The following PRKCE variants were observed in gnomAD, a reference collection of about 807,000 sequenced individuals.
PRKCE encodes protein kinase C epsilon type.
A neutral mutation model predicts 85.4 loss-of-function variants in PRKCE; 16 were observed. The ratio of observed to expected loss-of-function variants is 0.19; its 90% CI spans 0.13 to 0.28. PRKCE has a LOEUF of 0.28. PRKCE is among the 10% of genes least tolerant of loss of function. The pLI is 1.00. For missense variants in PRKCE, 573 were observed against 975.2 expected (o/e 0.59, Z 5.49); for synonymous variants, 388 against 371.5 (o/e 1.04, Z -0.51).
chr2:45,960,126 C>A (rs1701277990), intron 2 of PRKCE, among the ~76,000 whole-genome samples: 1 of 152,086 alleles, frequency 6.6e-6, no homozygotes, highest in African/African-American at 2.4e-5. Context: ...TGCTTGTTTT[C>A]TGGGATAAAG....
At chr2:45,750,506 G>C (rs370088107) in intron 1 of PRKCE, among the ~76,000 whole-genome samples, 3 of 152,186 alleles carry the variant, frequency 2.0e-5, no homozygotes, top group East Asian at 1.9e-4. Context: ...GTCCCAAGGT[G>C]GGTATTGGTT....
chr2:45,950,900 G>A (rs764711091), intron 2 of PRKCE, among the ~76,000 whole-genome samples: 2 of 152,100 alleles, frequency 1.3e-5, no homozygotes, highest in Non-Finnish European at 2.9e-5. Flanking sequence ...ATTAAGTCCT[G>A]GAACTATCAG....
At chr2:45,752,070 G>T (rs546600617) in intron 1 of PRKCE, among the ~76,000 whole-genome samples, 1 of 151,552 alleles carries the variant, frequency 6.6e-6, no homozygotes, top group South Asian at 2.1e-4. Flanking sequence ...GCCCGCCTCG[G>T]CCTTCCAAAG....
chr2:46,137,878 G>T (rs958731426), intron 11 of PRKCE, among the ~76,000 whole-genome samples: 1 of 152,054 alleles, frequency 6.6e-6, no homozygotes, highest in African/African-American at 2.4e-5. Context: ...TTGCATACCA[G>T]TTCTCCCTCA....
chr2:46,161,271 AG>A (rs1489270432), intron 14 of PRKCE, among the ~76,000 whole-genome samples: 1 of 152,286 alleles, frequency 6.6e-6, no homozygotes. Flanking sequence ...TAGGGGAAGT[AG>A]GACCCCAGAG....
rs868577218 is a variant in PRKCE, at chr2:46,115,375, A to C, written c.1592+29013A>C. On this transcript the variant is annotated intron_variant, in intron 11 of 14. Transcript: ENST00000306156. ...AAAAACCTAACATTTTTTTGTACAA[A>C]GAGAAGCACATCTCATAAAACCCAA... Among the ~76,000 whole-genome samples the C allele has an allele frequency of 1.1e-4, 16 of 152,304 alleles. No individual in the cohort carries two copies. In the Middle Eastern group the frequency reaches 0.01, roughly 97 times the overall value.
intron 11 of PRKCE, among the ~76,000 whole-genome samples, chr2:46,120,783 A>G (rs540776150): frequency 1.3e-5 from 2 of 152,290 alleles, no homozygotes; most frequent in Non-Finnish European, 1.5e-5. Flanking sequence ...GATGCCACCC[A>G]TGTTTCAAAA....
Position 46,009,558 on chromosome 2 carries a change from C to T in PRKCE, c.1264-786C>T, listed in dbSNP as rs539800328. Among the ~76,000 whole-genome samples, 104 of 152,100 alleles carry T rather than the reference C, an allele frequency of 6.8e-4. 1 individual carries two copies. The highest frequency in any genetic ancestry group is 2.5e-3 in the African/African-American group (103 of 41,550). On this transcript the variant is annotated intron_variant, in intron 9 of 14. Transcript: ENST00000306156. Reference sequence around the variant, plus strand: ...AAGTCACCATGAAACTCCAACACTTCTACATTGCTAGTGGCACATTGTATC... The same window carrying T: ...AAGTCACCATGAAACTCCAACACTTTTACATTGCTAGTGGCACATTGTATC...
intron 1 of PRKCE, among the ~76,000 whole-genome samples, chr2:45,780,916 G>A (rs1438640787): frequency 6.6e-6 from 1 of 152,216 alleles, no homozygotes; most frequent in Non-Finnish European, 1.5e-5. Context: ...ACTGAGGACA[G>A]CTTAACTGTC....
rs200243387 is a variant in PRKCE, at chr2:46,152,184, AT to A, written c.1920+971del. ...CTGATTATATGTATTTTACAAAGAA[AT>A]TTTTTTTTTTTTTTTAGACAGAGTC... On this transcript the variant is annotated intron_variant, in intron 13 of 14. Transcript: ENST00000306156. 8.0e-3 allele frequency among the ~76,000 whole-genome samples: 1,167 copies of A among 145,266 alleles called. 7 individuals carry two copies. Among genetic ancestry groups the A allele is most frequent in the African/African-American group, 0.016 (655 of 39,778 alleles).
Position 46,123,214 on chromosome 2 carries a change from C to CTTTTTTTTTTTTTTTTTTTTTTTTTTTT in PRKCE, c.1593-21877_1593-21850dup, listed in dbSNP as rs70937991. Among the ~76,000 whole-genome samples, 59 of 27,370 alleles carry CTTTTTTTTTTTTTTTTTTTTTTTTTTTT rather than the reference C, an allele frequency of 2.2e-3. 15 individuals carry two copies. Among genetic ancestry groups the CTTTTTTTTTTTTTTTTTTTTTTTTTTTT allele is most frequent in the Admixed American group, 3.4e-3 (5 of 1,466 alleles). 18.0% of individuals were successfully genotyped at this position (27,370 alleles called of 152,430 possible). On this transcript the variant is annotated intron_variant, in intron 11 of 14. Transcript: ENST00000306156. Reference sequence around the variant, plus strand: ...AAGCTTTACAAAGGAAAACACTTGCCTTTTTTTTTTTTTTTTTTTTTTTTT... The same window carrying CTTTTTTTTTTTTTTTTTTTTTTTTTTTT: ...AAGCTTTACAAAGGAAAACACTTGCCTTTTTTTTTTTTTTTTTTTTTTTTTTTTTTTTTTTTTTTTTTTTTTTTTTTTT...
At chr2:45,859,087 A>C (rs988033204) in intron 2 of PRKCE, among the ~76,000 whole-genome samples, 12 of 137,788 alleles carry the variant, frequency 8.7e-5, no homozygotes, top group Non-Finnish European at 1.6e-4. Context: ...TAAATAAATA[A>C]ATAAAATAGT....
intron 1 of PRKCE, among the ~76,000 whole-genome samples, chr2:45,795,151 C>T (rs1687333230): frequency 6.6e-6 from 1 of 152,168 alleles, no homozygotes; most frequent in Non-Finnish European, 1.5e-5. Flanking sequence ...CCAGCCAGGG[C>T]CCCAGCCTCA....
intron 1 of PRKCE, among the ~76,000 whole-genome samples, chr2:45,800,374 A>G (rs1312224635): frequency 6.6e-6 from 1 of 152,190 alleles, no homozygotes; most frequent in Admixed American, 6.5e-5. Flanking sequence ...GGGGGGTCTG[A>G]CTCGAGAGAG....
At position 45,810,554 on chromosome 2, in the gene PRKCE, G is replaced by A. The variant is rs114470218; in HGVS notation, c.349-32446G>A. On this transcript the variant is annotated intron_variant, in intron 1 of 14. Coordinates refer to ENST00000306156, the MANE Select transcript of PRKCE (RefSeq NM_005400.3). ...CTGCACAATGAACGAATATTCCACT[G>A]CAATGTTAACTTCATCTCCATTGGA... Among the ~76,000 whole-genome samples the A allele has an allele frequency of 2.4e-3, 368 of 152,094 alleles. 1 individual carries two copies. Among genetic ancestry groups the A allele is most frequent in the African/African-American group, 8.3e-3 (343 of 41,498 alleles).
At chr2:45,706,703 T>C (rs574575841) in intron 1 of PRKCE, among the ~76,000 whole-genome samples, 2 of 152,342 alleles carry the variant, frequency 1.3e-5, no homozygotes, top group Non-Finnish European at 2.9e-5. Flanking sequence ...CCCCCCACAA[T>C]GAATTAAATT....
At chr2:45,808,855 C>T (rs756209205) in intron 1 of PRKCE, among the ~76,000 whole-genome samples, 7 of 152,158 alleles carry the variant, frequency 4.6e-5, no homozygotes, top group Non-Finnish European at 8.8e-5. Flanking sequence ...TTATTCCTAG[C>T]TTAGTGCTTG....
chr2:45,908,681 GTTC>G (rs1393434536), intron 2 of PRKCE, among the ~76,000 whole-genome samples: 2 of 152,152 alleles, frequency 1.3e-5, no homozygotes, highest in Non-Finnish European at 2.9e-5. Flanking sequence ...TGAGTCCTGT[GTTC>G]TTCTCACACT....
chr2:45,691,589 T>C (rs1235689426), intron 1 of PRKCE, among the ~76,000 whole-genome samples: 1 of 152,256 alleles, frequency 6.6e-6, no homozygotes, highest in South Asian at 2.1e-4. Flanking sequence ...CTTCGTTGAC[T>C]TGAAAGTGCA....
Sources: allele counts gnomAD v4.1 joint callset (sites outside exome capture counted in the v4.1 genomes callset), GRCh38; gene constraint gnomAD v4.1.1; transcripts MANE v1.5; gene names NCBI Gene and HGNC (gene_info 2026-07-23, HGNC 2026-07-21).